DROSHA: variants seen among roughly 807,000 people sequenced by gnomAD.
DROSHA encodes drosha ribonuclease III.
A neutral mutation model predicts 181.9 loss-of-function variants in DROSHA; 56 were observed. The ratio of observed to expected loss-of-function variants is 0.31; its 90% CI spans 0.25 to 0.38. The LOEUF (loss-of-function observed/expected upper bound fraction) is 0.38, where lower values mean the gene tolerates loss of function less well. DROSHA is among the 10% of genes least tolerant of loss of function. DROSHA has a pLI of 1.00. For missense variants in DROSHA, 1,218 were observed against 1,743.5 expected, an observed-to-expected ratio of 0.70 and a Z score of 5.37; for synonymous variants, 524 against 591.2, an observed-to-expected ratio of 0.89 and a Z score of 1.65.
chr5:31,490,934 A>G (rs1486438594), intron 13 of DROSHA, among the ~76,000 whole-genome samples: 2 of 151,994 alleles, frequency 1.3e-5, no homozygotes, highest in African/African-American at 4.8e-5. Flanking sequence ...GAAGCCAGGA[A>G]TTTTTTCTGT....
chr5:31,508,852 C>T (rs1250938989), intron 9 of DROSHA, 77 bp from the exon 10 acceptor site: 2 of 1,457,454 alleles, frequency 1.4e-6, no homozygotes, highest in Non-Finnish European at 9.2e-7. Flanking sequence ...GAGTTGGAGT[C>T]TCGCTCTGTC....
At chr5:31,429,602 G>T in intron 26 of DROSHA, 57 bp from the exon 27 acceptor site, 1 of 1,484,934 alleles carries the variant, frequency 6.7e-7, no homozygotes, top group Non-Finnish European at 9.3e-7. Context: ...CAAAGAAAAT[G>T]ACATATCTCT....
At chr5:31,475,994 A>C (rs56063263) in intron 16 of DROSHA, among the ~76,000 whole-genome samples, 2,023 of 152,316 alleles carry the variant, frequency 0.013, 49 homozygotes, top group African/African-American at 0.046. Context: ...ACCAAGACTC[A>C]CTTAAAGGCT....
Position 31,530,860 on chromosome 5 carries a change from C to T in DROSHA, c.-109G>A. 2.5e-6 allele frequency: 1 copy of T among 398,530 alleles called. No homozygotes were observed. The highest frequency in any genetic ancestry group is 4.4e-6 in the Non-Finnish European group (1 of 226,040). 24.7% of individuals were successfully genotyped at this position (398,530 alleles called of 1,614,324 possible). A position where few individuals can be genotyped will look rare whatever the true frequency, so the allele number is the denominator to read the frequency against. ...TCTAACTCTTCCACTAGATTATCAG[C>T]TCCTTGATGATATGGGTTGATTCAC... On this transcript the variant is annotated 5_prime_UTR_variant, in exon 3 of 36. Coordinates refer to ENST00000344624, the MANE Select transcript of DROSHA (RefSeq NM_001382508.1).
chr5:31,443,127 C>T (rs1405796673), intron 23 of DROSHA, among the ~76,000 whole-genome samples: 1 of 150,376 alleles, frequency 6.6e-6, no homozygotes, highest in South Asian at 2.1e-4. Flanking sequence ...TCAAGTGATT[C>T]TCCTGCCTCA....
intron 9 of DROSHA, among the ~76,000 whole-genome samples, 199 bp from the exon 10 acceptor site, chr5:31,508,974 C>A (rs190552554): frequency 2.0e-5 from 3 of 152,174 alleles, no homozygotes; most frequent in Admixed American, 2.0e-4. Flanking sequence ...AGGCGCCTGC[C>A]ACCACACCCA....
At chr5:31,450,014 C>T (rs1333042030) in intron 21 of DROSHA, among the ~76,000 whole-genome samples, 1 of 151,954 alleles carries the variant, frequency 6.6e-6, no homozygotes, top group African/African-American at 2.4e-5. Flanking sequence ...ATGACATGAA[C>T]AAACATTTTT....
chr5:31,512,798 C>T (rs957665793), intron 8 of DROSHA, among the ~76,000 whole-genome samples: 2 of 152,202 alleles, frequency 1.3e-5, no homozygotes, highest in African/African-American at 2.4e-5. Flanking sequence ...TCAAGGAATG[C>T]ACATGGCCTG....
At chr5:31,449,508 A>T in intron 21 of DROSHA, 89 bp from the exon 22 acceptor site, 1 of 1,401,912 alleles carries the variant, frequency 7.1e-7, no homozygotes, top group South Asian at 1.4e-5. Context: ...TGGAGGGACC[A>T]CTTTAGCCCA....
chr5:31,407,082 A>G, intron 33 of DROSHA, 137 bp from the exon 34 acceptor site: 1 of 551,254 alleles, frequency 1.8e-6, no homozygotes, highest in Non-Finnish European at 2.9e-6. Flanking sequence ...AATGGCAGAA[A>G]GGTAAAAAGA....
chr5:31,495,439 G>A, intron 11 of DROSHA, 67 bp from the exon 12 acceptor site: 1 of 1,400,800 alleles, frequency 7.1e-7, no homozygotes, highest in South Asian at 1.3e-5. Context: ...AAAATATATT[G>A]TATTTCCTAG....
At chr5:31,507,075 G>C (rs1298137632) in intron 10 of DROSHA, among the ~76,000 whole-genome samples, 1 of 152,020 alleles carries the variant, frequency 6.6e-6, no homozygotes, top group African/African-American at 2.4e-5. Flanking sequence ...AACACTTTGG[G>C]AGGCTGAGGC....
intron 10 of DROSHA, among the ~76,000 whole-genome samples, chr5:31,505,486 G>A (rs569418482): frequency 1.3e-5 from 2 of 152,220 alleles, no homozygotes; most frequent in African/African-American, 2.4e-5. Flanking sequence ...CACAAGACCC[G>A]TCTAAATAAA....
At chr5:31,450,676 GA>G (rs1040150742) in intron 21 of DROSHA, among the ~76,000 whole-genome samples, 1 of 152,122 alleles carries the variant, frequency 6.6e-6, no homozygotes, top group Non-Finnish European at 1.5e-5. Flanking sequence ...TGGAGACTCA[GA>G]TGGGGAGTGT....
intron 5 of DROSHA, 97 bp downstream of exon 5, chr5:31,525,982 T>C: frequency 8.5e-7 from 1 of 1,176,012 alleles, no homozygotes; most frequent in Non-Finnish European, 1.2e-6. Flanking sequence ...TAAATCAAGA[T>C]GCCCTACTGG....
chr5:31,451,676 A>T (rs1009373917), intron 20 of DROSHA, 36 bp from the exon 21 acceptor site: 3 of 1,473,508 alleles, frequency 2.0e-6, no homozygotes, highest in Non-Finnish European at 2.8e-6. Context: ...TTAACTTTAT[A>T]AAAACTTATA....
At chr5:31,447,121 A>G (rs575474831) in intron 23 of DROSHA, among the ~76,000 whole-genome samples, 3 of 152,226 alleles carry the variant, frequency 2.0e-5, no homozygotes, top group Non-Finnish European at 4.4e-5. Flanking sequence ...TTGCAGGGAC[A>G]TGGATAGAGC....
rs768872347 is a variant in DROSHA, at chr5:31,435,898, T to A, written c.2943-34A>T. 7 of 1,590,500 alleles carry A rather than the reference T, an allele frequency of 4.4e-6. No individual in the cohort carries two copies. The South Asian group carries it at 7.8e-5, about 18-fold the overall frequency. ...AAAAAAAGAAGTACATGAATAAATATGCATCACGACATTCTGTCTGTGGCT... is the reference window on the plus strand; with the variant it reads ...AAAAAAAGAAGTACATGAATAAATAAGCATCACGACATTCTGTCTGTGGCT... On this transcript the variant is annotated intron_variant, in intron 24 of 35. Coordinates refer to ENST00000344624, the MANE Select transcript of DROSHA (RefSeq NM_001382508.1).
intron 23 of DROSHA, among the ~76,000 whole-genome samples, chr5:31,447,933 G>A (rs941633517): frequency 2.0e-5 from 3 of 152,178 alleles, no homozygotes; most frequent in African/African-American, 7.2e-5. Flanking sequence ...AGCCACTTCA[G>A]AAAACAGTCT....
Sources: gnomAD v4.1 joint callset for allele counts (sites outside exome capture counted in the v4.1 genomes callset) on GRCh38, gnomAD v4.1.1 for gene constraint, MANE v1.5 for transcripts, NCBI Gene and HGNC (gene_info 2026-07-23, HGNC 2026-07-21) for gene names.